Variants in FLI1 observed in about 807,000 individuals in gnomAD.
The protein encoded by FLI1 is Fli-1 proto-oncogene, ETS transcription factor.
In FLI1, 13 loss-of-function variants were observed where a neutral mutation model predicts 53.1. The ratio of observed to expected loss-of-function variants is 0.24; its 90% CI spans 0.16 to 0.39. The LOEUF is 0.39. Among genes scored for constraint, FLI1 ranks in the 10% least tolerant of loss-of-function variants. FLI1 has a pLI of 1.00. For synonymous variants in FLI1, 244 were observed against 236.7 expected, an observed-to-expected ratio of 1.03 and a Z score of -0.28; for missense variants, 424 against 600.5, an observed-to-expected ratio of 0.71 and a Z score of 3.07.
chr11:128,759,102 T>C (rs1483749594), intron 2 of FLI1, among the ~76,000 whole-genome samples: 1 of 152,266 alleles, frequency 6.6e-6, no homozygotes, highest in Non-Finnish European at 1.5e-5. Flanking sequence ...CCTGGGATGG[T>C]GCCTGAGACG....
chr11:128,693,998 A>T, upstream of FLI1: 1 of 329,498 alleles, frequency 3.0e-6, no homozygotes, highest in South Asian at 1.1e-4. Flanking sequence ...GAGAGATAGG[A>T]CTTCCTCCCC....
At chr11:128,750,010 C>T (rs1291049955) in intron 1 of FLI1, among the ~76,000 whole-genome samples, 5 of 152,240 alleles carry the variant, frequency 3.3e-5, no homozygotes, top group African/African-American at 1.2e-4. Context: ...GAGGGCTTTG[C>T]ACCTAAGTAT....
intron 5 of FLI1, among the ~76,000 whole-genome samples, chr11:128,802,585 T>C (rs1327979961): frequency 6.6e-6 from 1 of 152,252 alleles, no homozygotes; most frequent in Non-Finnish European, 1.5e-5. Flanking sequence ...TGTGTTTCTG[T>C]CACTTCCTTT....
chr11:128,782,033 T>C lies in FLI1; in HGVS notation c.655+10T>C, dbSNP rs1160929936. 6.2e-7 allele frequency: 1 copy of C among 1,611,576 alleles called. No homozygotes were observed. Among genetic ancestry groups the C allele is most frequent in the Non-Finnish European group, 8.5e-7 (1 of 1,177,834 alleles). ...TTGAGTGTCAAAGAAGGTAAGTTTG[T>C]TCTTTTGTGCACTTAAAATTTTCTT... On this transcript the variant is annotated intron_variant, in intron 5 of 8. Coordinates refer to ENST00000527786, the MANE Select transcript of FLI1 (RefSeq NM_002017.5).
chr11:128,792,219 C>A (rs1429955964), intron 5 of FLI1, among the ~76,000 whole-genome samples: 1 of 152,194 alleles, frequency 6.6e-6, no homozygotes, highest in East Asian at 1.9e-4. Context: ...CCCTCCCCAC[C>A]TAGGCAATGG....
At chr11:128,755,818 G>A (rs2135804157) in intron 1 of FLI1, among the ~76,000 whole-genome samples, 1 of 152,348 alleles carries the variant, frequency 6.6e-6, no homozygotes, top group African/African-American at 2.4e-5. Flanking sequence ...TTGAATGTAT[G>A]TCTGGAGGCA....
intron 4 of FLI1, among the ~76,000 whole-genome samples, chr11:128,779,354 G>C (rs1941839986): frequency 2.0e-5 from 3 of 152,160 alleles, no homozygotes; most frequent in Non-Finnish European, 4.4e-5. Context: ...TCCTACTTCT[G>C]GGATTTTTTT....
At chr11:128,740,098 C>T (rs955481905) in intron 1 of FLI1, among the ~76,000 whole-genome samples, 6 of 152,166 alleles carry the variant, frequency 3.9e-5, no homozygotes, top group Non-Finnish European at 7.3e-5. Context: ...CCCATAAGCG[C>T]AGAAAGCAAT....
At chr11:128,707,074 T>C (rs920773313) in intron 1 of FLI1, among the ~76,000 whole-genome samples, 59 of 152,278 alleles carry the variant, frequency 3.9e-4, no homozygotes, top group Non-Finnish European at 1.9e-4. Context: ...GCACGGTTGG[T>C]GTGCTCTGCT....
chr11:128,701,788 A>G (rs1173519431), intron 1 of FLI1, among the ~76,000 whole-genome samples: 1 of 152,204 alleles, frequency 6.6e-6, no homozygotes, highest in East Asian at 1.9e-4. Flanking sequence ...ATCTTATGTC[A>G]CATCTCAGTG....
At chr11:128,693,552 G>A (rs1937851833), upstream of FLI1, among the ~76,000 whole-genome samples, 1 of 152,090 alleles carries the variant, frequency 6.6e-6, no homozygotes, top group African/African-American at 2.4e-5. Context: ...GTCTCCGGCT[G>A]GAAAAAGCAT....
At chr11:128,690,299 A>AGC (rs1555105193), upstream of FLI1, among the ~76,000 whole-genome samples, 3 of 151,808 alleles carry the variant, frequency 2.0e-5, no homozygotes, top group Non-Finnish European at 4.4e-5. Context: ...GCTGGACCAG[A>AGC]GGGGCATGGG....
Position 128,812,010 on chromosome 11 carries a change from G to A in FLI1, c.*1022G>A, listed in dbSNP as rs933591414. 1 of 204,476 alleles carries A rather than the reference G, an allele frequency of 4.9e-6. No homozygotes were observed. The highest frequency in any genetic ancestry group is 6.0e-5 in the Admixed American group (1 of 16,726). The allele number at this position is 204,476 out of a possible 1,614,324, so 12.7% of individuals were successfully genotyped here. A position where few individuals can be genotyped will look rare whatever the true frequency, so the allele number is the denominator to read the frequency against. On this transcript the variant is annotated 3_prime_UTR_variant, in exon 9 of 9. Transcript: ENST00000527786. ...TTTTTTCAATCTGTACATTTGGGCTGTCTGTATGTTTTTATAGCTGGTTTT... is the reference window on the plus strand; with the variant it reads ...TTTTTTCAATCTGTACATTTGGGCTATCTGTATGTTTTTATAGCTGGTTTT...
Position 128,694,104 on chromosome 11 carries a change from CAGGGGAGTG to C in FLI1, c.-150_-142del. On this transcript the variant is annotated 5_prime_UTR_variant, in exon 1 of 9. Coordinates refer to ENST00000527786, the MANE Select transcript of FLI1 (RefSeq NM_002017.5). ...GCTCCGCTACAACAACAAACGTGCA[CAGGGGAGTG>C]AGGGCAGGGCGCTCGCAGGGGGCAC... The C allele has an allele frequency of 1.7e-6, 1 of 603,074 alleles. No homozygotes were observed. Among genetic ancestry groups the C allele is most frequent in the Admixed American group, 4.2e-5 (1 of 23,692 alleles). The allele number at this position is 603,074 out of a possible 1,614,324, so 37.4% of individuals were successfully genotyped here. A position where few individuals can be genotyped will look rare whatever the true frequency, so the allele number is the denominator to read the frequency against.
intron 5 of FLI1, among the ~76,000 whole-genome samples, chr11:128,799,922 G>T (rs978561929): frequency 6.6e-6 from 1 of 152,136 alleles, no homozygotes; most frequent in African/African-American, 2.4e-5. Flanking sequence ...GGTTTTAGAG[G>T]ATCTCCTAGT....
intron 1 of FLI1, among the ~76,000 whole-genome samples, chr11:128,725,002 T>G (rs1939413534): frequency 6.6e-6 from 1 of 152,152 alleles, no homozygotes; most frequent in Non-Finnish European, 1.5e-5. Context: ...GGCCTCTTGA[T>G]AGTCCCCCAT....
chr11:128,805,270 G>C, intron 5 of FLI1, 96 bp from the exon 6 acceptor site: 1 of 695,456 alleles, frequency 1.4e-6, no homozygotes, highest in Non-Finnish European at 2.4e-6. Flanking sequence ...TTGCTGAATT[G>C]AATTTTATTT....
In FLI1 at chr11:128,810,505, C is replaced by T. The variant is rs369798344; in HGVS notation, c.876C>T (p.Ser292=). ...GGCAATTCCTCCTGGAGCTGCTCTC[C>T]GACAGCGCCAACGCCAGCTGTATCA... The part of the protein sequence containing the change: ...QLWQFLLELL[S]DSANASCITW... The change falls in exon 9 of 9, where the codon TCC becomes TCT. Residue 292 remains serine, a synonymous_variant. Coordinates refer to ENST00000527786, the MANE Select transcript of FLI1 (RefSeq NM_002017.5). The surrounding 1 kb of genome is among the most constrained non-coding windows in gnomAD (Gnocchi z 6.6). The T allele has an allele frequency of 1.0e-4, 163 of 1,606,066 alleles. 4 individuals are homozygous for T. The South Asian group carries it at 1.7e-3, about 16-fold the overall frequency.
intron 1 of FLI1, among the ~76,000 whole-genome samples, chr11:128,723,664 T>C (rs1415418500): frequency 2.0e-5 from 3 of 152,204 alleles, no homozygotes; most frequent in Non-Finnish European, 2.9e-5. Context: ...CTTTCATTAA[T>C]GTAATCATCC....
Sources: gnomAD v4.1 joint callset for allele counts (sites outside exome capture counted in the v4.1 genomes callset) on GRCh38, gnomAD v4.1.1 for gene constraint, Gnocchi (gnomAD v3.1) non-coding constraint, MANE v1.5 for transcripts, NCBI Gene and HGNC (gene_info 2026-07-23, HGNC 2026-07-21) for gene names.